The following PCDHGC4 variants were observed in gnomAD, a reference collection of about 807,000 sequenced individuals.
PCDHGC4 encodes protocadherin gamma-C4.
In PCDHGC4, 15 loss-of-function variants were observed where a neutral mutation model predicts 59.7. The observed-to-expected ratio is 0.25, with a 90% confidence interval of 0.17 to 0.39. The LOEUF is 0.39. PCDHGC4 is among the 10% of genes least tolerant of loss of function. The pLI, the probability that PCDHGC4 is intolerant of heterozygous loss-of-function variation, is 1.00. For missense variants in PCDHGC4, 1,016 were observed against 1,189.5 expected, an observed-to-expected ratio of 0.85 and a Z score of 2.15; for synonymous variants, 434 against 481.4, an observed-to-expected ratio of 0.90 and a Z score of 1.29.
chr5:141,502,475 A>G (rs1246548191), intron 2 of PCDHGC4, among the ~76,000 whole-genome samples: 1 of 150,884 alleles, frequency 6.6e-6, no homozygotes, highest in Non-Finnish European at 1.5e-5. Context: ...TTCCCGCAGC[A>G]TCACACTGGG....
chr5:141,500,901 G>T (rs984072329), intron 2 of PCDHGC4, among the ~76,000 whole-genome samples: 1 of 144,582 alleles, frequency 6.9e-6, no homozygotes, highest in Non-Finnish European at 1.5e-5. Context: ...AGACAGTCTC[G>T]CTCTGTCTCC....
chr5:141,490,623 T>C lies in PCDHGC4; in HGVS notation c.2442+3008T>C. The C allele has an allele frequency of 3.1e-6, 5 of 1,614,174 alleles. No individual in the cohort carries two copies. The highest frequency in any genetic ancestry group is 4.2e-6 in the Non-Finnish European group (5 of 1,180,020). ...GCTTCAACCAGCAGCTTTACACTGC[T>C]TACATCCTAGAAAACCGGCCTCCGG... On this transcript the variant is annotated intron_variant, in intron 1 of 3. Coordinates refer to ENST00000306593, the MANE Select transcript of PCDHGC4 (RefSeq NM_018928.3). This position sits in a 1 kb window ranked among gnomAD's most constrained non-coding sequence, Gnocchi z 5.4.
Position 141,491,739 on chromosome 5 carries a change from C to A in PCDHGC4, c.2443-3068C>A, listed in dbSNP as rs372183034. ...CGCCGCCCCGGGCGACCCCTGGGGG[C>A]GGCACTGGAGAAGCCGCCCGTCCTC... On this transcript the variant is annotated intron_variant, in intron 1 of 3. Transcript: ENST00000306593. The surrounding 1 kb of genome is among the most constrained non-coding windows in gnomAD (Gnocchi z 6.9). 2 of 1,598,886 alleles carry A rather than the reference C, an allele frequency of 1.3e-6. No individual in the cohort carries two copies. The highest frequency in any genetic ancestry group is 1.3e-5 in the African/African-American group (1 of 74,290).
chr5:141,499,408 G>C (rs1178843162), intron 2 of PCDHGC4, among the ~76,000 whole-genome samples: 1 of 151,896 alleles, frequency 6.6e-6, no homozygotes, highest in Non-Finnish European at 1.5e-5. Context: ...GCTCATTATA[G>C]AAACATGAAA....
chr5:141,489,425 G>T lies in PCDHGC4; in HGVS notation c.2442+1810G>T, dbSNP rs779739693. 6.2e-7 allele frequency: 1 copy of T among 1,614,118 alleles called. No homozygotes were observed. The highest frequency in any genetic ancestry group is 8.5e-7 in the Non-Finnish European group (1 of 1,180,030). The stretch of plus-strand genomic sequence containing the variant: ...TTAAAGATGACAGATCTGTTGAGCC[G>T]GCGGCTGCAATTGGGCTCTGAGGAG... On this transcript the variant is annotated intron_variant, in intron 1 of 3. Transcript: ENST00000306593. This position sits in a 1 kb window ranked among gnomAD's most constrained non-coding sequence, Gnocchi z 4.5.
In PCDHGC4 at chr5:141,486,866, G is replaced by A; in HGVS notation, c.1693G>A (p.Val565Met). Reference sequence around the variant, plus strand: ...GGACCTCAATGACAATGCTCCAGCTGTGCTCCGTCCTCGGGCCCGGCCTGG... The same window carrying A: ...GGACCTCAATGACAATGCTCCAGCTATGCTCCGTCCTCGGGCCCGGCCTGG... The part of the protein sequence containing the change: ...VLDLNDNAPA[V>M]LRPRARPGSL... The change falls in exon 1 of 4, where the codon GTG becomes ATG. Residue 565 changes from valine to methionine, a missense_variant. By Grantham distance (21) the Val-to-Met change is conservative (BLOSUM62 1). Transcript: ENST00000306593. The surrounding 1 kb of genome is among the most constrained non-coding windows in gnomAD (Gnocchi z 5.0). 6.2e-7 allele frequency: 1 copy of A among 1,614,202 alleles called. No homozygotes were observed. The highest frequency in any genetic ancestry group is 8.5e-7 in the Non-Finnish European group (1 of 1,180,038).
Position 141,491,834 on chromosome 5 carries a change from CG to C in PCDHGC4, c.2443-2970del. On this transcript the variant is annotated intron_variant, in intron 1 of 3. Transcript: ENST00000306593. This position sits in a 1 kb window ranked among gnomAD's most constrained non-coding sequence, Gnocchi z 6.9. ...CGCTGGCTGCGCTCCACCCGATTCT[CG>C]GGATCATTGGACCGTTTGCGCGAAA... 1 of 1,473,830 alleles carries C rather than the reference CG, an allele frequency of 6.8e-7. No homozygotes were observed. Among genetic ancestry groups the C allele is most frequent in the Middle Eastern group, 1.8e-4 (1 of 5,590 alleles). The allele number at this position is 1,473,830 out of a possible 1,614,324, so 91.3% of individuals were successfully genotyped here.
At position 141,487,254 on chromosome 5, in the gene PCDHGC4, C is replaced by T. The variant is rs1341564301; in HGVS notation, c.2081C>T (p.Ala694Val). The change falls in exon 1 of 4, where the codon GCT becomes GTT. Residue 694 changes from alanine (A) to valine (V), a missense_variant. Ala to Val is a moderately conservative substitution (Grantham distance 64, BLOSUM62 0). Coordinates refer to ENST00000306593, the MANE Select transcript of PCDHGC4 (RefSeq NM_018928.3). The surrounding 1 kb of genome is among the most constrained non-coding windows in gnomAD (Gnocchi z 5.0). Reference sequence around the variant, plus strand: ...GAATCTCGTCTAACCCTCTACTTGGCTGTGTCCCTAGTGGCAATTTGCTTT... The same window carrying T: ...GAATCTCGTCTAACCCTCTACTTGGTTGTGTCCCTAGTGGCAATTTGCTTT... ...EGESRLTLYLAVSLVAICFVS... is the reference protein window; with the variant it reads ...EGESRLTLYLVVSLVAICFVS... The T allele has an allele frequency of 1.2e-6, 2 of 1,614,126 alleles. No homozygotes were observed. Among genetic ancestry groups the T allele is most frequent in the East Asian group, 4.5e-5 (2 of 44,860 alleles).
At chr5:141,505,564 G>GGATGTCAAACCTGTGTAGTTTCTCCA in intron 3 of PCDHGC4, 83 bp downstream of exon 3, 1 of 1,603,196 alleles carries the variant, frequency 6.2e-7, no homozygotes, top group Non-Finnish European at 8.5e-7. Context: ...CCCACGGACT[G>GGATGTCAAACCTGTGTAGTTTCTCCA]GATGTCAAAC....
At position 141,490,543 on chromosome 5, in the gene PCDHGC4, C is replaced by T; in HGVS notation, c.2442+2928C>T. 2 of 1,614,188 alleles carry T rather than the reference C, an allele frequency of 1.2e-6. No homozygotes were observed. Among genetic ancestry groups the T allele is most frequent in the Non-Finnish European group, 8.5e-7 (1 of 1,180,024 alleles). On this transcript the variant is annotated intron_variant, in intron 1 of 3. Transcript: ENST00000306593. The surrounding 1 kb of genome is among the most constrained non-coding windows in gnomAD (Gnocchi z 5.4). ...CAGCGATGCTGGTTCACCTTCCCTA[C>T]ACAAACATCTCACCATCAGGCTCAA...
chr5:141,503,665 C>A (rs1210514896), intron 2 of PCDHGC4, among the ~76,000 whole-genome samples: 2 of 151,792 alleles, frequency 1.3e-5, no homozygotes, highest in African/African-American at 4.8e-5. Flanking sequence ...AATTACAACT[C>A]TTCCCACTTT....
At chr5:141,507,009 C>T (rs988626142) in intron 3 of PCDHGC4, 1 of 152,154 alleles carries the variant, frequency 6.6e-6, no homozygotes, top group South Asian at 2.1e-4. Context: ...ATGAGAGAAC[C>T]GAGAAGGCAC....
intron 1 of PCDHGC4, among the ~76,000 whole-genome samples, chr5:141,492,781 T>A (rs945023154): frequency 6.6e-6 from 1 of 152,194 alleles, no homozygotes; most frequent in African/African-American, 2.4e-5. Context: ...TGAGTGAGCC[T>A]CTATAGGACA....
chr5:141,492,908 A>G (rs1595151443), intron 1 of PCDHGC4, among the ~76,000 whole-genome samples: 2 of 152,302 alleles, frequency 1.3e-5, no homozygotes, highest in African/African-American at 4.8e-5. Context: ...TCGTGATCAC[A>G]ATGTGCCCAG....
At chr5:141,502,951 C>G (rs1444086718) in intron 2 of PCDHGC4, among the ~76,000 whole-genome samples, 1 of 147,768 alleles carries the variant, frequency 6.8e-6, no homozygotes, top group African/African-American at 2.6e-5. Context: ...TCAAGCGATT[C>G]TCCTGCCTCA....
Position 141,490,970 on chromosome 5 carries a change from A to G in PCDHGC4, c.2442+3355A>G. ...CCAGACTGGGAACACTCAGCCCCCC[A>G]GCGTCTCCCTCGCTCTGCTCCTCCT... On this transcript the variant is annotated intron_variant, in intron 1 of 3. Coordinates refer to ENST00000306593, the MANE Select transcript of PCDHGC4 (RefSeq NM_018928.3). This position sits in a 1 kb window ranked among gnomAD's most constrained non-coding sequence, Gnocchi z 5.4. 1 of 1,613,858 alleles carries G rather than the reference A, an allele frequency of 6.2e-7. No individual in the cohort carries two copies. Among genetic ancestry groups the G allele is most frequent in the South Asian group, 1.1e-5 (1 of 91,062 alleles).
rs1040028231 is a variant in PCDHGC4, at chr5:141,485,542, C to T, written c.369C>T (p.Ile123=). 6.8e-6 allele frequency: 11 copies of T among 1,613,900 alleles called. No individual in the cohort carries two copies. Among genetic ancestry groups the T allele is most frequent in the Admixed American group, 6.7e-5 (4 of 59,996 alleles). Residue 123 remains isoleucine, a synonymous_variant, in exon 1 of 4, where the codon ATC becomes ATT. Coordinates refer to ENST00000306593, the MANE Select transcript of PCDHGC4 (RefSeq NM_018928.3). The surrounding 1 kb of genome is among the most constrained non-coding windows in gnomAD (Gnocchi z 5.7). ...PLEMYRAEVE[I]VDVNDHAPRF... ...AAATGTACCGAGCAGAGGTAGAGAT[C>T]GTAGATGTGAATGATCACGCCCCCC...
Position 141,490,809 on chromosome 5 carries a change from C to T in PCDHGC4, c.2442+3194C>T. On this transcript the variant is annotated intron_variant, in intron 1 of 3. Transcript: ENST00000306593. The surrounding 1 kb of genome is among the most constrained non-coding windows in gnomAD (Gnocchi z 5.4). Reference sequence around the variant, plus strand: ...GGATCTTTGCCCAGCGTACCTTTGACTATGAATTGCTGCAGATGCTGCAGA... The same window carrying T: ...GGATCTTTGCCCAGCGTACCTTTGATTATGAATTGCTGCAGATGCTGCAGA... 2 of 1,613,954 alleles carry T rather than the reference C, an allele frequency of 1.2e-6. No individual in the cohort carries two copies. Among genetic ancestry groups the T allele is most frequent in the South Asian group, 2.2e-5 (2 of 91,076 alleles).
rs2233612 is a variant in PCDHGC4 at position 141,511,014 on chromosome 5, A to G, written c.2658A>G (p.Gly886=). 8.6e-4 allele frequency: 1,386 copies of G among 1,614,082 alleles called. 14 individuals are homozygous for G. The African/African-American group carries it at 0.017, about 20-fold the overall frequency. The change falls in exon 4 of 4, where the codon GGA becomes GGG. Residue 886 remains glycine, a synonymous_variant. Coordinates refer to ENST00000306593, the MANE Select transcript of PCDHGC4 (RefSeq NM_018928.3). ...AGTMGLSARY[G]PQFTLQHVPD... ...CCATGGGATTGAGCGCCCGCTACGG[A>G]CCCCAGTTCACCCTGCAGCACGTGC...
Sources: allele counts gnomAD v4.1 joint callset (sites outside exome capture counted in the v4.1 genomes callset), GRCh38; gene constraint gnomAD v4.1.1; non-coding constraint Gnocchi (gnomAD v3.1); transcripts MANE v1.5; gene names NCBI Gene and HGNC (gene_info 2026-07-23, HGNC 2026-07-21).